Variants in MCF2L observed in about 807,000 individuals in gnomAD.
MCF2L encodes the protein guanine nucleotide exchange factor DBS.
Under a neutral mutation model 153.4 loss-of-function variants are expected in MCF2L, and 97 were observed. The observed-to-expected ratio is 0.63, with a 90% CI of 0.54 to 0.75. MCF2L has a LOEUF of 0.75. MCF2L is among the 30% of genes least tolerant of loss of function. MCF2L has a pLI of 0.00. For missense variants in MCF2L, 1,347 were observed against 1,495.2 expected (o/e 0.90, Z 1.64); for synonymous variants, 659 against 632.2 (o/e 1.04, Z -0.64).
At position 113,071,811 on chromosome 13, in the gene MCF2L, CTT is replaced by C. The variant is rs557665431; in HGVS notation, c.996+1640_996+1641del. Among the ~76,000 whole-genome samples the C allele has an allele frequency of 1.6e-4, 25 of 152,346 alleles. No homozygotes were observed. The South Asian group carries it at 5.0e-3, about 30-fold the overall frequency. On this transcript the variant is annotated intron_variant, in intron 9 of 29. Transcript: ENST00000535094. ...AAATCAAGTACACTCATTCTTCCCT[CTT>C]TGTTTTCTTTTTCAAAATTGTGTTA...
chr13:113,011,635 GGTGGACAGGCAGT>G lies in MCF2L; in HGVS notation c.80-3121_80-3109del, dbSNP rs1392026833. 8.5e-4 allele frequency among the ~76,000 whole-genome samples: 94 copies of G among 110,172 alleles called. 1 individual carries two copies. Among genetic ancestry groups the G allele is most frequent in the Non-Finnish European group, 1.6e-3 (75 of 46,262 alleles). The allele number at this position is 110,172 out of a possible 152,430, so 72.3% of individuals were successfully genotyped here. A position where few individuals can be genotyped will look rare whatever the true frequency, so the allele number is the denominator to read the frequency against. Reference sequence around the variant, plus strand: ...TGGATGGTGGACAGGTGGTGTGGACGGTGGACAGGCAGTGTGGACGGTGGACACTGTGATGCAG... The same window carrying G: ...TGGATGGTGGACAGGTGGTGTGGACGGTGGACGGTGGACACTGTGATGCAG... On this transcript the variant is annotated intron_variant, in intron 1 of 29. Coordinates refer to ENST00000535094, the MANE Select transcript of MCF2L (RefSeq NM_001112732.3).
chr13:112,928,234 CGTT>C (rs1246280141), intron 2 of MCF2L, among the ~76,000 whole-genome samples: 3 of 152,204 alleles, frequency 2.0e-5, no homozygotes, highest in African/African-American at 7.2e-5. Flanking sequence ...CGTGCACCAA[CGTT>C]GTTGCAGTCA....
At chr13:112,962,329 A>G (rs1027086989) in intron 2 of MCF2L, among the ~76,000 whole-genome samples, 17 of 152,054 alleles carry the variant, frequency 1.1e-4, no homozygotes, top group Non-Finnish European at 2.2e-4. Flanking sequence ...ACACATACAC[A>G]CCTGCACACA....
chr13:112,921,726 A>G (rs1443817461), intron 2 of MCF2L, among the ~76,000 whole-genome samples: 2 of 152,378 alleles, frequency 1.3e-5, no homozygotes, highest in East Asian at 3.9e-4. Context: ...CGTTAAGAAT[A>G]AAATCAGAAG....
At position 113,000,708 on chromosome 13, in the gene MCF2L, G is replaced by A. The variant is rs921896651; in HGVS notation, c.80-14055G>A. Among the ~76,000 whole-genome samples, 12 of 152,358 alleles carry A rather than the reference G, an allele frequency of 7.9e-5. No homozygotes were observed. In the South Asian group the frequency reaches 8.3e-4, roughly 11 times the overall value. ...TTGGGGTCAGCCACCCCCAGAAGCC[G>A]GTGTTCCCAGCGGGAGAAGCTGAAG... On this transcript the variant is annotated intron_variant, in intron 1 of 29. Transcript: ENST00000535094.
chr13:113,048,415 T>TC (rs1315731659), intron 4 of MCF2L, among the ~76,000 whole-genome samples: 2 of 151,916 alleles, frequency 1.3e-5, no homozygotes, highest in East Asian at 3.9e-4. Context: ...ACCAGTGCTT[T>TC]CTTGCTATAA....
At chr13:113,008,180 G>A (rs1487401711) in intron 1 of MCF2L, among the ~76,000 whole-genome samples, 10 of 152,236 alleles carry the variant, frequency 6.6e-5, no homozygotes, top group Admixed American at 6.5e-4. Context: ...GCCTCCCAAA[G>A]TGTTGGCATT....
At chr13:113,079,809 A>ACG (rs1566859046) in intron 15 of MCF2L, among the ~76,000 whole-genome samples, 3 of 38,052 alleles carry the variant, frequency 7.9e-5, no homozygotes, top group Non-Finnish European at 6.0e-5. Flanking sequence ...AGGCAGAGGA[A>ACG]TGTCTGAATG....
Position 113,027,945 on chromosome 13 carries a change from C to T in MCF2L, c.278+3187C>T, listed in dbSNP as rs2141328293. Among the ~76,000 whole-genome samples, 1 of 152,314 alleles carries T rather than the reference C, an allele frequency of 6.6e-6. No individual in the cohort carries two copies. The highest frequency in any genetic ancestry group is 1.9e-4 in the East Asian group (1 of 5,178). On this transcript the variant is annotated intron_variant, in intron 3 of 29. Coordinates refer to ENST00000535094, the MANE Select transcript of MCF2L (RefSeq NM_001112732.3). The surrounding 1 kb of genome is among the most constrained non-coding windows in gnomAD (Gnocchi z 4.8). ...CCTCCAGGCCTTTGTCTGTCACCTG[C>T]ACAGGAGGAAGGGCCTGTGTCCCAG...
chr13:112,991,184 C>T (rs1262483857), intron 1 of MCF2L, among the ~76,000 whole-genome samples: 6 of 152,166 alleles, frequency 3.9e-5, no homozygotes, highest in Non-Finnish European at 5.9e-5. Flanking sequence ...AGGCTTTCTG[C>T]GAAATCCGGC....
In MCF2L at chr13:113,053,509, G is replaced by A. The variant is rs1055111455; in HGVS notation, c.370-7084G>A. On this transcript the variant is annotated intron_variant, in intron 4 of 29. Coordinates refer to ENST00000535094, the MANE Select transcript of MCF2L (RefSeq NM_001112732.3). The surrounding 1 kb of genome is among the most constrained non-coding windows in gnomAD (Gnocchi z 4.4). Reference sequence around the variant, plus strand: ...TGTCCATGTGTCCCGTGATTGGGGCGGTGTTGTGTGCTCAGACGGCCAAGG... The same window carrying A: ...TGTCCATGTGTCCCGTGATTGGGGCAGTGTTGTGTGCTCAGACGGCCAAGG... 1.1e-4 allele frequency among the ~76,000 whole-genome samples: 16 copies of A among 152,218 alleles called. No individual in the cohort carries two copies. Among genetic ancestry groups the A allele is most frequent in the Non-Finnish European group, 2.1e-4 (14 of 68,052 alleles).
chr13:113,075,611 A>T (rs1421009878), intron 11 of MCF2L, among the ~76,000 whole-genome samples: 1 of 152,166 alleles, frequency 6.6e-6, no homozygotes, highest in Non-Finnish European at 1.5e-5. Flanking sequence ...CTGGGATTAC[A>T]GGCGTGAGCC....
chr13:113,034,525 GCCCTCA>G (rs1373341738), intron 3 of MCF2L, among the ~76,000 whole-genome samples: 2 of 152,010 alleles, frequency 1.3e-5, no homozygotes, highest in African/African-American at 2.4e-5. Context: ...AGGAGTGAGT[GCCCTCA>G]CCCTCACCCT....
intron 4 of MCF2L, among the ~76,000 whole-genome samples, chr13:113,049,310 G>A (rs1252743777): frequency 6.5e-5 from 9 of 138,332 alleles, no homozygotes; most frequent in African/African-American, 2.4e-4. Flanking sequence ...GTCCTGGGCA[G>A]ACCAGGAGGG....
At chr13:113,003,836 G>A (rs948232018) in intron 1 of MCF2L, among the ~76,000 whole-genome samples, 3 of 152,210 alleles carry the variant, frequency 2.0e-5, no homozygotes, top group Admixed American at 6.5e-5. Context: ...GAAGGAACTT[G>A]CCACCTGTGG....
chr13:113,083,013 C>G (rs1383942454), intron 17 of MCF2L, among the ~76,000 whole-genome samples: 3 of 152,202 alleles, frequency 2.0e-5, no homozygotes, highest in Non-Finnish European at 4.4e-5. Flanking sequence ...CCTTACCCAT[C>G]ATGGGGGCTG....
Position 113,046,291 on chromosome 13 carries a change from G to C in MCF2L, c.369+930G>C, listed in dbSNP as rs1487086025. The C allele has an allele frequency of 7.7e-6, 2 of 260,534 alleles. No individual in the cohort carries two copies. The highest frequency in any genetic ancestry group is 2.3e-5 in the African/African-American group (1 of 43,582). 16.1% of individuals were successfully genotyped at this position (260,534 alleles called of 1,614,324 possible). Reference sequence around the variant, plus strand: ...TGCCTGTCTGCCAAGAGGTGACCCAGAGCCTGGGTCCAGGCACCTGCATGT... The same window carrying C: ...TGCCTGTCTGCCAAGAGGTGACCCACAGCCTGGGTCCAGGCACCTGCATGT... On this transcript the variant is annotated intron_variant, in intron 4 of 29. Coordinates refer to ENST00000535094, the MANE Select transcript of MCF2L (RefSeq NM_001112732.3). The surrounding 1 kb of genome is among the most constrained non-coding windows in gnomAD (Gnocchi z 4.4).
intron 15 of MCF2L, 44 bp from the exon 16 acceptor site, chr13:113,081,169 T>A: frequency 6.6e-7 from 1 of 1,507,138 alleles, no homozygotes; most frequent in Non-Finnish European, 9.0e-7. Context: ...ATTCCTGCTC[T>A]CCCAGTGCTA....
At chr13:112,903,280 T>C (rs1170009421) in intron 2 of MCF2L, among the ~76,000 whole-genome samples, 1 of 152,236 alleles carries the variant, frequency 6.6e-6, no homozygotes, top group Admixed American at 6.5e-5. Context: ...GGCCTTGTCC[T>C]GAGCTGGCAT....
Sources: gnomAD v4.1 joint callset for allele counts (sites outside exome capture counted in the v4.1 genomes callset) on GRCh38, gnomAD v4.1.1 for gene constraint, Gnocchi (gnomAD v3.1) non-coding constraint, MANE v1.5 for transcripts, NCBI Gene and HGNC (gene_info 2026-07-23, HGNC 2026-07-21) for gene names.